Variants in POLA1 observed in about 807,000 individuals in gnomAD.
The protein encoded by POLA1 is DNA polymerase alpha 1, catalytic subunit.
A neutral mutation model predicts 124.0 loss-of-function variants in POLA1; 15 were observed. That is an observed-to-expected ratio of 0.12 (90% CI 0.08 to 0.19). POLA1 has a LOEUF of 0.19. Ranked by LOEUF, POLA1 falls within the 10% of genes least tolerant of loss-of-function variation. The pLI is 1.00. For missense variants in POLA1, 886 were observed against 1,103.4 expected (o/e 0.80, Z 2.79); for synonymous variants, 408 against 389.4 (o/e 1.05, Z -0.56).
At chrX:24,718,157 T>G (rs1289665247) in intron 10 of POLA1, among the ~76,000 whole-genome samples, 1 of 112,368 alleles carries the variant, frequency 8.9e-6, no homozygotes, top group Non-Finnish European at 1.9e-5. Flanking sequence ...TTAATTTGTC[T>G]GTTTCTTCAG....
At chrX:24,704,322 G>C (rs1169716105) in intron 3 of POLA1, 67 bp from the exon 4 acceptor site, 8 of 812,524 alleles carry the variant, frequency 9.8e-6, no homozygotes, top group Non-Finnish European at 1.5e-5. Context: ...GGTTTTTTTG[G>C]TCATGGCTAA....
chrX:24,900,679 T>A (rs779247882), intron 35 of POLA1, among the ~76,000 whole-genome samples: 1 of 111,947 alleles, frequency 8.9e-6, no homozygotes, highest in Non-Finnish European at 1.9e-5. Flanking sequence ...GCAGGCCCTC[T>A]GTGCTATCCT....
chrX:24,714,647 G>A lies in POLA1; in HGVS notation c.440G>A (p.Cys147Tyr). The change falls in exon 5 of 37, where the codon TGT (cysteine) becomes TAT (tyrosine). Residue 147 changes from cysteine (C) to tyrosine (Y), a missense_variant. By Grantham distance (194) the Cys-to-Tyr change is radical (BLOSUM62 -2). Around this residue, in one of 7 missense-constraint regions of POLA1, gnomAD observed 337 missense variants for 402.8 expected, o/e 0.84. Coordinates refer to ENST00000379068, the MANE Select transcript of POLA1 (RefSeq NM_001330360.2). ...PNNIKSMFIA[C>Y]AGKKTADKAV... ...AACATTAAGTCAATGTTCATTGCTT[G>A]TGCTGGAAAGAAAACTGCAGATGTG... 8.5e-7 allele frequency: 1 copy of A among 1,171,199 alleles called. No homozygotes were observed. Among genetic ancestry groups the A allele is most frequent in the Non-Finnish European group, 1.2e-6 (1 of 863,363 alleles).
At chrX:24,795,832 C>A (rs1310461590) in intron 26 of POLA1, among the ~76,000 whole-genome samples, 2 of 109,933 alleles carry the variant, frequency 1.8e-5, no homozygotes, top group African/African-American at 6.6e-5. Context: ...TCCTCCCACC[C>A]CCATCCACCC....
intron 34 of POLA1, among the ~76,000 whole-genome samples, chrX:24,848,888 T>A (rs1461489594): frequency 1.8e-5 from 2 of 112,579 alleles, no homozygotes; most frequent in Non-Finnish European, 3.7e-5. Context: ...AGCTATCTTG[T>A]GCAGGTGGAC....
At chrX:24,807,348 A>G (rs1396595868) in intron 26 of POLA1, among the ~76,000 whole-genome samples, 3 of 112,407 alleles carry the variant, frequency 2.7e-5, no homozygotes, top group Non-Finnish European at 5.6e-5. Flanking sequence ...GCTAACTGTA[A>G]GAGGCAGAGG....
chrX:24,781,526 C>T (rs2045263060), intron 26 of POLA1, among the ~76,000 whole-genome samples: 1 of 111,729 alleles, frequency 9.0e-6, no homozygotes, highest in Admixed American at 9.5e-5. Flanking sequence ...GGAATAACCC[C>T]ACTGGATATT....
At chrX:24,986,222 A>G (rs2048479874) in intron 36 of POLA1, among the ~76,000 whole-genome samples, 2 of 111,493 alleles carry the variant, frequency 1.8e-5, no homozygotes, top group African/African-American at 3.3e-5. Context: ...CAGAGCCATG[A>G]CATTAATCAG....
chrX:24,950,267 GTGTTCTGTATC>G, intron 36 of POLA1, among the ~76,000 whole-genome samples: 1 of 112,253 alleles, frequency 8.9e-6, no homozygotes, highest in South Asian at 3.7e-4. Context: ...AATGGTAGAA[GTGTTCTGTATC>G]TGTGCTGTCC....
intron 30 of POLA1, among the ~76,000 whole-genome samples, chrX:24,820,287 G>A (rs910107898): frequency 6.3e-5 from 7 of 111,051 alleles, no homozygotes; most frequent in Admixed American, 3.8e-4. Context: ...AGGTAGTATC[G>A]TTATGAAAAT....
intron 26 of POLA1, among the ~76,000 whole-genome samples, chrX:24,762,229 A>G (rs148289653): frequency 1.6e-4 from 18 of 111,966 alleles, no homozygotes; most frequent in African/African-American, 5.8e-4. Context: ...CCGAGTACCT[A>G]GCAAGTGTCA....
intron 26 of POLA1, among the ~76,000 whole-genome samples, chrX:24,755,090 A>G (rs1932530442): frequency 8.9e-6 from 1 of 112,479 alleles, no homozygotes; most frequent in South Asian, 3.7e-4. Context: ...CCACAGCAGT[A>G]TATGAGGCTT....
intron 35 of POLA1, among the ~76,000 whole-genome samples, chrX:24,910,020 T>G (rs1383213203): frequency 9.0e-6 from 1 of 110,928 alleles, no homozygotes; most frequent in East Asian, 2.8e-4. Flanking sequence ...AGTTCACTCA[T>G]GATTTGGCTC....
At chrX:24,714,697 G>A in intron 5 of POLA1, 28 bp downstream of exon 5, 1 of 883,972 alleles carries the variant, frequency 1.1e-6, no homozygotes, top group Non-Finnish European at 1.6e-6. Context: ...CTTATTTTTT[G>A]TATTTTCCTT....
chrX:24,939,459 T>C (rs1405667136), intron 36 of POLA1, among the ~76,000 whole-genome samples: 1 of 112,377 alleles, frequency 8.9e-6, no homozygotes, highest in East Asian at 2.8e-4. Context: ...TACATAATTA[T>C]ACATCTTAAT....
At chrX:24,948,899 T>TA (rs1201966413) in intron 36 of POLA1, among the ~76,000 whole-genome samples, 10 of 112,141 alleles carry the variant, frequency 8.9e-5, no homozygotes, top group Non-Finnish European at 1.9e-4. Flanking sequence ...GGAGTAGCAA[T>TA]AAAAAAACTT....
rs371735149 is a variant in POLA1 at position 24,812,871 on chromosome X, C to T, written c.3296+8C>T. On this transcript the variant is annotated splice_region_variant and intron_variant, in intron 29 of 36. Transcript: ENST00000379068. ...TGCTAAAGACACTGGAAAGTGAGTTCAGCTTTCAGTTTTGCTTTTCTTGTT... is the reference window on the plus strand; with the variant it reads ...TGCTAAAGACACTGGAAAGTGAGTTTAGCTTTCAGTTTTGCTTTTCTTGTT... 25 of 1,116,351 alleles carry T rather than the reference C, an allele frequency of 2.2e-5. No individual in the cohort carries two copies. The highest frequency in any genetic ancestry group is 9.1e-5 in the African/African-American group (5 of 55,203). The allele number at this position is 1,116,351 out of a possible 1,213,427, so 92.0% of individuals were successfully genotyped here.
chrX:24,723,317 C>T, intron 11 of POLA1, 50 bp downstream of exon 11: 1 of 796,263 alleles, frequency 1.3e-6, no homozygotes, highest in Non-Finnish European at 1.9e-6. Context: ...ATCTGCCACA[C>T]ATTCTGTGTT....
chrX:24,981,356 C>T (rs1040800951), intron 36 of POLA1, among the ~76,000 whole-genome samples: 4 of 112,069 alleles, frequency 3.6e-5, no homozygotes, highest in Non-Finnish European at 5.6e-5. Context: ...GACCTTCCCC[C>T]CTCCAGCCCC....
Sources: gnomAD v4.1 joint callset for allele counts (sites outside exome capture counted in the v4.1 genomes callset) on GRCh38, gnomAD v4.1.1 for gene constraint, gnomAD v4.1.1 regional missense constraint, MANE v1.5 for transcripts, NCBI Gene and HGNC (gene_info 2026-07-23, HGNC 2026-07-21) for gene names.